The following RAB7B variants were observed in gnomAD, a reference collection of about 807,000 sequenced individuals.
The protein encoded by RAB7B is RAB7B, member RAS oncogene family, also known as ras-related protein Rab-7b.
chr1:205,989,071 C>T (rs1660670999), intron 4 of RAB7B, among the ~76,000 whole-genome samples: 1 of 152,074 alleles, frequency 6.6e-6, no homozygotes, highest in Non-Finnish European at 1.5e-5. Context: ...TATTCCACCT[C>T]CCTACAAACC....
chr1:205,980,115 C>T (rs1196391160), intron 5 of RAB7B, among the ~76,000 whole-genome samples: 6 of 152,240 alleles, frequency 3.9e-5, no homozygotes, highest in Admixed American at 2.0e-4. Context: ...TAATGTACCC[C>T]GATGGCACAG....
chr1:205,988,161 T>G (rs898249314), intron 4 of RAB7B, among the ~76,000 whole-genome samples: 8 of 152,000 alleles, frequency 5.3e-5, no homozygotes, highest in African/African-American at 1.9e-4. Flanking sequence ...TAGCAATATA[T>G]ATTATAAATA....
rs1004162249 is a variant in RAB7B at position 205,995,348 on chromosome 1, C to A, written c.-16-1197G>T. On this transcript the variant is annotated intron_variant, in intron 1 of 5. Coordinates refer to ENST00000617070, the MANE Select transcript of RAB7B (RefSeq NM_001164522.3). ...GAGTTCCCACTTGTATAGAAAAACGCCTGGAAGGAAATATATTAAAAATTC... is the reference window on the plus strand; with the variant it reads ...GAGTTCCCACTTGTATAGAAAAACGACTGGAAGGAAATATATTAAAAATTC... Among the ~76,000 whole-genome samples, 7 of 151,966 alleles carry A rather than the reference C, an allele frequency of 4.6e-5. No individual in the cohort carries two copies. The East Asian group carries it at 9.6e-4, about 21-fold the overall frequency.
chr1:205,997,608 A>G (rs1279169108), intron 1 of RAB7B, among the ~76,000 whole-genome samples: 1 of 54,054 alleles, frequency 1.8e-5, no homozygotes, highest in African/African-American at 6.2e-5. Context: ...CATTTCCTAT[A>G]TTCCAACAAA....
rs1354882874 is a variant in RAB7B, at chr1:205,993,566, CAT to C, written c.54-22_54-21del. 3 of 398,484 alleles carry C rather than the reference CAT, an allele frequency of 7.5e-6. No individual in the cohort carries two copies. The highest frequency in any genetic ancestry group is 2.1e-5 in the African/African-American group (1 of 48,620). The allele number at this position is 398,484 out of a possible 1,614,324, so 24.7% of individuals were successfully genotyped here. A position where few individuals can be genotyped will look rare whatever the true frequency, so the allele number is the denominator to read the frequency against. ...CCCACACTGAGGAAAATTCCAGACACATGTGAACACACACATGCAAACACACA... is the reference window on the plus strand; with the variant it reads ...CCCACACTGAGGAAAATTCCAGACACGTGAACACACACATGCAAACACACA... On this transcript the variant is annotated intron_variant, in intron 2 of 5. Coordinates refer to ENST00000617070, the MANE Select transcript of RAB7B (RefSeq NM_001164522.3).
intron 4 of RAB7B, among the ~76,000 whole-genome samples, chr1:205,987,185 A>T (rs1660625441): frequency 6.6e-6 from 1 of 152,286 alleles, no homozygotes; most frequent in African/African-American, 2.4e-5. Flanking sequence ...AGCTACCCAG[A>T]CAGTATTTTT....
At chr1:205,993,814 T>C (rs1483034766) in intron 2 of RAB7B, among the ~76,000 whole-genome samples, 3 of 152,214 alleles carry the variant, frequency 2.0e-5, no homozygotes, top group Non-Finnish European at 4.4e-5. Flanking sequence ...TCTGTGTGTG[T>C]AGGACATGGG....
At chr1:205,989,225 GCGCC>G (rs1660674864) in intron 4 of RAB7B, among the ~76,000 whole-genome samples, 1 of 152,078 alleles carries the variant, frequency 6.6e-6, no homozygotes, top group Non-Finnish European at 1.5e-5. Flanking sequence ...CGCTTCCCCA[GCGCC>G]CCCTCTTGCC....
At chr1:205,981,685 C>T (rs1182709095) in intron 5 of RAB7B, among the ~76,000 whole-genome samples, 2 of 117,128 alleles carry the variant, frequency 1.7e-5, no homozygotes, top group Admixed American at 1.8e-4. Flanking sequence ...GTTTCTTTCA[C>T]AATGTTAACT....
At chr1:205,989,251 G>A (rs1660675938) in intron 4 of RAB7B, among the ~76,000 whole-genome samples, 2 of 152,024 alleles carry the variant, frequency 1.3e-5, no homozygotes, top group Non-Finnish European at 2.9e-5. Flanking sequence ...TCCCCACTGG[G>A]GCTATTTGCA....
At chr1:205,983,949 A>G (rs2102632517) in intron 5 of RAB7B, 1 of 152,360 alleles carries the variant, frequency 6.6e-6, no homozygotes, top group East Asian at 1.9e-4. Context: ...GCATGCACAG[A>G]CACGGGCTGT....
chr1:205,999,257 C>T (rs1052811839), intron 1 of RAB7B, among the ~76,000 whole-genome samples: 3 of 152,122 alleles, frequency 2.0e-5, no homozygotes, highest in African/African-American at 7.2e-5. Context: ...GGTCGCTATG[C>T]ACAATGTGTA....
rs1417661876 is a variant in RAB7B at position 205,977,089 on chromosome 1, T to C, written c.*1762A>G. On this transcript the variant is annotated 3_prime_UTR_variant, in exon 6 of 6. Coordinates refer to ENST00000617070, the MANE Select transcript of RAB7B (RefSeq NM_001164522.3). ...CCTCCCCCCGGCCCCTAGGTGTACC[T>C]TCCAAGTCAGATGACAGTCATAGGC... The C allele has an allele frequency of 2.0e-5, 3 of 152,272 alleles. No homozygotes were observed. Among genetic ancestry groups the C allele is most frequent in the African/African-American group, 7.2e-5 (3 of 41,436 alleles). 9.4% of individuals were successfully genotyped at this position (152,272 alleles called of 1,614,324 possible).
In RAB7B at chr1:205,993,440, C is replaced by T. The variant is rs1660758479; in HGVS notation, c.160G>A (p.Asp54Asn). The T allele has an allele frequency of 2.5e-6, 1 of 398,600 alleles. No individual in the cohort carries two copies. The allele number at this position is 398,600 out of a possible 1,614,324, so 24.7% of individuals were successfully genotyped here. The change falls in exon 3 of 6, where the codon GAC becomes AAC. Residue 54 changes from aspartate to asparagine, a missense_variant. Transcript: ENST00000617070. ...SILSKIIILGDTTLKLQIWDT... is the reference protein window; with the variant it reads ...SILSKIIILGNTTLKLQIWDT... ...CTCACCTGTAACTTCAAAGTTGTGTCACCCAATATGATAATCTTGGAGAGG... is the reference window on the plus strand; with the variant it reads ...CTCACCTGTAACTTCAAAGTTGTGTTACCCAATATGATAATCTTGGAGAGG...
intron 1 of RAB7B, among the ~76,000 whole-genome samples, chr1:205,997,002 A>AT (rs2102642995): frequency 6.6e-6 from 1 of 152,310 alleles, no homozygotes; most frequent in African/African-American, 2.4e-5. Context: ...TCAAGATGAG[A>AT]TTTTGGGTGG....
chr1:205,982,048 T>C (rs978604182), intron 5 of RAB7B, among the ~76,000 whole-genome samples: 3 of 152,270 alleles, frequency 2.0e-5, no homozygotes, highest in Non-Finnish European at 2.9e-5. Context: ...ACTGAACACC[T>C]ACTCTGCTCT....
intron 1 of RAB7B, among the ~76,000 whole-genome samples, chr1:206,000,253 T>G (rs1660870265): frequency 6.6e-6 from 1 of 152,346 alleles, no homozygotes; most frequent in Admixed American, 6.5e-5. Context: ...GAGCTATCAT[T>G]TTATGTTATA....
At chr1:205,995,545 G>A (rs1368846452) in intron 1 of RAB7B, among the ~76,000 whole-genome samples, 2 of 152,026 alleles carry the variant, frequency 1.3e-5, no homozygotes, top group South Asian at 2.1e-4. Flanking sequence ...TGTACACAAC[G>A]GATACTGTTC....
intron 1 of RAB7B, among the ~76,000 whole-genome samples, chr1:205,995,388 C>T (rs1040964587): frequency 3.3e-5 from 5 of 152,126 alleles, no homozygotes; most frequent in Non-Finnish European, 5.9e-5. Flanking sequence ...AATTCCACTA[C>T]AGGATATATA....
Sources: allele counts gnomAD v4.1 joint callset (sites outside exome capture counted in the v4.1 genomes callset), GRCh38; gene constraint gnomAD v4.1.1; transcripts MANE v1.5; gene names NCBI Gene and HGNC (gene_info 2026-07-23, HGNC 2026-07-21).